FSD1L: variants seen among roughly 807,000 people sequenced by gnomAD.
FSD1L encodes fibronectin type III and SPRY domain containing 1 like.
In FSD1L, 45 loss-of-function variants were observed where a neutral mutation model predicts 71.6. The ratio of observed to expected loss-of-function variants is 0.63; its 90% CI spans 0.49 to 0.81. The LOEUF (loss-of-function observed/expected upper bound fraction) is 0.81, where lower values mean the gene tolerates loss of function less well. FSD1L is among the 30% of genes least tolerant of loss of function. The pLI, the probability that FSD1L is intolerant of heterozygous loss-of-function variation, is 0.00. For synonymous variants in FSD1L, 197 were observed against 207.2 expected (o/e 0.95, Z 0.42); for missense variants, 561 against 618.1 (o/e 0.91, Z 0.98).
rs148388909 is a variant in FSD1L, at chr9:105,503,765, C to T, written c.587-2634C>T. Among the ~76,000 whole-genome samples, 531 of 152,312 alleles carry T rather than the reference C, an allele frequency of 3.5e-3. 5 individuals are homozygous for T. Among genetic ancestry groups the T allele is most frequent in the African/African-American group, 0.012 (499 of 41,578 alleles). ...TATTTGATGAATTGTTTTCTTACTT[C>T]TATATAGAATCTAGAGTGAACTTCC... On this transcript the variant is annotated intron_variant, in intron 7 of 13. Coordinates refer to ENST00000481272, the MANE Select transcript of FSD1L (RefSeq NM_001145313.3).
At chr9:105,509,463 T>C (rs1834272156) in intron 9 of FSD1L, among the ~76,000 whole-genome samples, 1 of 152,220 alleles carries the variant, frequency 6.6e-6, no homozygotes, top group Admixed American at 6.5e-5. Flanking sequence ...GTTATAATGC[T>C]GGAGACTTTC....
Position 105,484,399 on chromosome 9 carries a change from C to G in FSD1L, c.483C>G (p.Ala161=). The G allele has an allele frequency of 2.6e-6, 4 of 1,525,768 alleles. No individual in the cohort carries two copies. In the Admixed American group the frequency reaches 6.6e-5, roughly 25 times the overall value. 94.5% of individuals were successfully genotyped at this position (1,525,768 alleles called of 1,614,324 possible). A position where few individuals can be genotyped will look rare whatever the true frequency, so the allele number is the denominator to read the frequency against. The change falls in exon 7 of 14, where the codon GCC becomes GCG. Residue 161 remains alanine (A), a synonymous_variant. Coordinates refer to ENST00000481272, the MANE Select transcript of FSD1L (RefSeq NM_001145313.3). The part of the protein sequence containing the change: ...QIKDRVTMAS[A]FRLSLKPKVS... The stretch of plus-strand genomic sequence containing the variant: ...ACCGTAGAGTCACAATGGCTTCAGC[C>G]TTTCGCCTTTCTTTGAAACCAAAGG...
intron 3 of FSD1L, among the ~76,000 whole-genome samples, chr9:105,464,667 T>C (rs1024833668): frequency 1.3e-5 from 2 of 152,140 alleles, no homozygotes; most frequent in African/African-American, 2.4e-5. Flanking sequence ...TCTTTTACAA[T>C]AAACAATAGA....
chr9:105,525,866 C>A, intron 10 of FSD1L: 1 of 1,579,350 alleles, frequency 6.3e-7, no homozygotes, highest in East Asian at 2.2e-5. Flanking sequence ...TATTTTGCTA[C>A]CTCTACAGTA....
At chr9:105,515,787 G>GT (rs766421540) in intron 10 of FSD1L, among the ~76,000 whole-genome samples, 1 of 147,012 alleles carries the variant, frequency 6.8e-6, no homozygotes, top group African/African-American at 2.6e-5. Flanking sequence ...AGCTGCAGAA[G>GT]GTTTTTTTTT....
intron 7 of FSD1L, among the ~76,000 whole-genome samples, chr9:105,495,889 A>G (rs1228087547): frequency 5.3e-5 from 8 of 151,654 alleles, no homozygotes; most frequent in Non-Finnish European, 1.0e-4. Context: ...GCAGAATGGC[A>G]TGAACCCGGG....
chr9:105,528,266 T>C (rs1021571604), intron 10 of FSD1L, among the ~76,000 whole-genome samples: 2 of 152,212 alleles, frequency 1.3e-5, no homozygotes, highest in African/African-American at 4.8e-5. Context: ...CCATTGACTT[T>C]CTTCACAGAA....
intron 13 of FSD1L, among the ~76,000 whole-genome samples, chr9:105,542,406 T>A (rs912739619): frequency 6.6e-6 from 1 of 152,188 alleles, no homozygotes; most frequent in Non-Finnish European, 1.5e-5. Flanking sequence ...CAAGTATCTG[T>A]TAAAATTATT....
In FSD1L at chr9:105,512,809, CTT is replaced by C; in HGVS notation, c.899_900del (p.Leu300GlnfsTer6). 1 of 1,484,054 alleles carries C rather than the reference CTT, an allele frequency of 6.7e-7. No individual in the cohort carries two copies. The highest frequency in any genetic ancestry group is 9.0e-7 in the Non-Finnish European group (1 of 1,106,542). 91.9% of individuals were successfully genotyped at this position (1,484,054 alleles called of 1,614,324 possible). On this transcript the variant is annotated frameshift_variant, in exon 10 of 14. Transcript: ENST00000481272. LOFTEE classifies it high-confidence loss of function. The stretch of plus-strand genomic sequence containing the variant: ...TATTTAAATATTATCTTGAATAGCA[CTT>C]AACTTCAATTTGGATAACTCCTCAT... Reference protein sequence around the residue: ...SDPVTLETKALNFNLDNSSSH... With the variant: ...SDPVTLETKAXNFNLDNSSSH...
Position 105,512,894 on chromosome 9 carries a change from A to G in FSD1L, c.983A>G (p.Lys328Arg), listed in dbSNP as rs1834478966. The G allele has an allele frequency of 6.5e-7, 1 of 1,539,578 alleles. No homozygotes were observed. The highest frequency in any genetic ancestry group is 8.8e-7 in the Non-Finnish European group (1 of 1,142,168). ...TCVEWDPTGG[K>R]GQESKIKGKE... ...GTAGAGTGGGATCCTACTGGAGGAA[A>G]AGGTCAAGAAAGTAAAATTAAAGGA... The change falls in exon 10 of 14, where the codon AAA becomes AGA. Residue 328 changes from lysine to arginine, a missense_variant. By Grantham distance (26) the Lys-to-Arg change is conservative. Transcript: ENST00000481272.
intron 13 of FSD1L, among the ~76,000 whole-genome samples, chr9:105,545,141 A>G (rs1418617028): frequency 6.6e-6 from 1 of 151,760 alleles, no homozygotes; most frequent in East Asian, 1.9e-4. Context: ...GAGGTCTTTC[A>G]CATCCCGTGT....
chr9:105,470,031 G>T (rs1193069539), intron 4 of FSD1L, among the ~76,000 whole-genome samples: 1 of 152,088 alleles, frequency 6.6e-6, no homozygotes, highest in Non-Finnish European at 1.5e-5. Context: ...TGTCCCTATT[G>T]TTTGGCCTTA....
intron 10 of FSD1L, chr9:105,520,206 C>A: frequency 6.2e-7 from 1 of 1,611,342 alleles, no homozygotes. Flanking sequence ...CGCACTGACT[C>A]GCCTCAAGCA....
At chr9:105,465,656 G>A (rs1831011747) in intron 3 of FSD1L, among the ~76,000 whole-genome samples, 1 of 152,134 alleles carries the variant, frequency 6.6e-6, no homozygotes. Flanking sequence ...AAAAAAAAGT[G>A]TATGGTTATC....
chr9:105,461,522 C>T lies in FSD1L; in HGVS notation c.18C>T (p.Tyr6=). ...CCTACTGTATTTATATTGGACAGTA[C>T]TGCTTTAAGGAGAATGAAAACGTTA... The part of the protein sequence containing the change: MDSQK[Y]CFKENENVTV... The change falls in exon 2 of 14, where the codon TAC becomes TAT. Residue 6 remains tyrosine, a splice_region_variant and synonymous_variant. Coordinates refer to ENST00000481272, the MANE Select transcript of FSD1L (RefSeq NM_001145313.3). 2 of 1,543,868 alleles carry T rather than the reference C, an allele frequency of 1.3e-6. No homozygotes were observed. The highest frequency in any genetic ancestry group is 2.0e-5 in the Admixed American group (1 of 50,944).
At chr9:105,519,719 A>G (rs1216871313) in intron 10 of FSD1L, among the ~76,000 whole-genome samples, 1 of 152,238 alleles carries the variant, frequency 6.6e-6, no homozygotes, top group Non-Finnish European at 1.5e-5. Context: ...AACTGGAAGC[A>G]TTCACTTTGA....
At position 105,551,267 on chromosome 9, in the gene FSD1L, A is replaced by C. The variant is rs1373237404; in HGVS notation, c.*4784A>C. On this transcript the variant is annotated 3_prime_UTR_variant, in exon 14 of 14. Transcript: ENST00000481272. ...TTTATATTAAAAGCCGCAAGTCTTA[A>C]AAATCCCTGGATATGACATAAAAAG... 2 of 152,114 alleles carry C rather than the reference A, an allele frequency of 1.3e-5. No individual in the cohort carries two copies. The highest frequency in any genetic ancestry group is 2.1e-4 in the South Asian group (1 of 4,820). The allele number at this position is 152,114 out of a possible 1,614,324, so 9.4% of individuals were successfully genotyped here. A position where few individuals can be genotyped will look rare whatever the true frequency, so the allele number is the denominator to read the frequency against.
upstream of FSD1L, among the ~76,000 whole-genome samples, chr9:105,444,563 CAG>C (rs1441022203): frequency 6.6e-6 from 1 of 152,176 alleles, no homozygotes; most frequent in South Asian, 2.1e-4. Context: ...TGGCACCACT[CAG>C]AGAGGATACA....
Position 105,492,265 on chromosome 9 carries a change from T to G in FSD1L, c.586+7763T>G, listed in dbSNP as rs900010735. Among the ~76,000 whole-genome samples, 788 of 152,176 alleles carry G rather than the reference T, an allele frequency of 5.2e-3. 11 individuals are homozygous for G. Among genetic ancestry groups the G allele is most frequent in the African/African-American group, 0.018 (762 of 41,500 alleles). ...TCGAGGAATTTATCCATTTCTTCTA[T>G]ATTTTCCAGTTTATTTGCGTAGAGG... On this transcript the variant is annotated intron_variant, in intron 7 of 13. Transcript: ENST00000481272.
Sources: gnomAD v4.1 joint callset for allele counts (sites outside exome capture counted in the v4.1 genomes callset) on GRCh38, gnomAD v4.1.1 for gene constraint, MANE v1.5 for transcripts, NCBI Gene and HGNC (gene_info 2026-07-23, HGNC 2026-07-21) for gene names.